The following BCL11A variants were observed in gnomAD, a reference collection of about 807,000 sequenced individuals.
The protein encoded by BCL11A is BCL11 transcription factor A.
In BCL11A, 2 loss-of-function variants were observed where a neutral mutation model predicts 55.9. That is an observed-to-expected ratio of 0.04 (90% CI 0.01 to 0.11). The LOEUF (loss-of-function observed/expected upper bound fraction) is 0.11, where lower values mean the gene tolerates loss of function less well. BCL11A is among the 10% of genes least tolerant of loss of function. BCL11A has a pLI of 1.00. For missense variants in BCL11A, 817 were observed against 1,137.1 expected, an observed-to-expected ratio of 0.72 and a Z score of 4.05; for synonymous variants, 465 against 473.4, an observed-to-expected ratio of 0.98 and a Z score of 0.23.
chr2:60,509,993 C>T (rs1420809502), intron 2 of BCL11A, among the ~76,000 whole-genome samples: 1 of 152,154 alleles, frequency 6.6e-6, no homozygotes, highest in Non-Finnish European at 1.5e-5. Context: ...TCATACAACC[C>T]ATCCCACCAG....
In BCL11A at chr2:60,496,959, T is replaced by G. The variant is rs548204308; in HGVS notation, c.386-28126A>C. The stretch of plus-strand genomic sequence containing the variant: ...GAGATGAGTGAACACAATGTAGCAC[T>G]TAATTTCTGTCTTCACGATTACTTC... On this transcript the variant is annotated intron_variant, in intron 2 of 3. Transcript: ENST00000642384. Among the ~76,000 whole-genome samples the G allele has an allele frequency of 3.3e-5, 5 of 152,346 alleles. No homozygotes were observed. In the East Asian group the frequency reaches 9.6e-4, roughly 29 times the overall value.
At chr2:60,468,137 A>ATGG (rs1177724594) in intron 3 of BCL11A, among the ~76,000 whole-genome samples, 25 of 137,512 alleles carry the variant, frequency 1.8e-4, no homozygotes, top group Admixed American at 7.8e-4. Context: ...GGTGGTGGTG[A>ATGG]TGGTGGTGGT....
Position 60,546,295 on chromosome 2 carries a change from G to C in BCL11A, c.61C>G (p.Pro21Ala), listed in dbSNP as rs1339446081. Residue 21 changes from proline to alanine, a missense_variant, in exon 2 of 4, where the codon CCT becomes GCT. Coordinates refer to ENST00000642384, the MANE Select transcript of BCL11A (RefSeq NM_022893.4). The surrounding 1 kb of genome is among the most constrained non-coding windows in gnomAD (Gnocchi z 4.1). ...HLSKREFSPE[P>A]LEAILTDDEP... ...TCATCTGTAAGAATGGCTTCAAGAG[G>C]CTCGGCTGTGGTTGGAGAAACAAAA... 1.2e-6 allele frequency: 2 copies of C among 1,611,940 alleles called. No individual in the cohort carries two copies. Among genetic ancestry groups the C allele is most frequent in the Non-Finnish European group, 1.7e-6 (2 of 1,178,586 alleles).
At chr2:60,453,414 G>T (rs928107535), downstream of BCL11A, among the ~76,000 whole-genome samples, 1 of 152,236 alleles carries the variant, frequency 6.6e-6, no homozygotes, top group African/African-American at 2.4e-5. Context: ...TACCACTGTG[G>T]CATTCCAGGC....
intron 2 of BCL11A, among the ~76,000 whole-genome samples, chr2:60,502,184 A>G (rs894854830): frequency 2.0e-5 from 3 of 152,236 alleles, no homozygotes; most frequent in Non-Finnish European, 2.9e-5. Context: ...TACTTATCAA[A>G]GCAACAATCA....
intron 2 of BCL11A, among the ~76,000 whole-genome samples, chr2:60,513,376 G>C (rs1157465587): frequency 6.6e-6 from 1 of 152,146 alleles, no homozygotes; most frequent in Non-Finnish European, 1.5e-5. Flanking sequence ...CATCTGCCGG[G>C]TGCTTCTGGA....
intron 2 of BCL11A, among the ~76,000 whole-genome samples, chr2:60,483,122 T>A (rs946654714): frequency 2.0e-5 from 3 of 152,238 alleles, no homozygotes; most frequent in African/African-American, 7.2e-5. Context: ...CATGAATAAC[T>A]GCAAGGATAG....
intron 2 of BCL11A, among the ~76,000 whole-genome samples, chr2:60,504,204 G>C (rs45611940): frequency 0.11 from 16,584 of 152,218 alleles, 1,137 homozygotes; most frequent in Non-Finnish European, 0.16. Flanking sequence ...CAGGCCCCAG[G>C]GCTCATGCTG....
At chr2:60,540,429 A>G (rs1038485851) in intron 2 of BCL11A, among the ~76,000 whole-genome samples, 7 of 152,214 alleles carry the variant, frequency 4.6e-5, no homozygotes, top group Admixed American at 2.0e-4. Context: ...CAGTGACGCA[A>G]TCTTGGTGCA....
At chr2:60,498,543 A>G (rs945393233) in intron 2 of BCL11A, among the ~76,000 whole-genome samples, 19 of 152,160 alleles carry the variant, frequency 1.2e-4, no homozygotes, top group South Asian at 2.1e-4. Context: ...CCCTTCCTAG[A>G]ATTGGCCTGG....
chr2:60,538,219 T>G (rs1437426755), intron 2 of BCL11A: 1 of 152,248 alleles, frequency 6.6e-6, no homozygotes, highest in African/African-American at 2.4e-5. Context: ...CTCTGAGAAC[T>G]TGGTATTTTA....
intron 2 of BCL11A, among the ~76,000 whole-genome samples, chr2:60,472,835 C>T (rs1296553626): frequency 1.3e-5 from 2 of 152,234 alleles, no homozygotes; most frequent in Non-Finnish European, 2.9e-5. Flanking sequence ...GGTAATACTG[C>T]AGATTTCCAA....
chr2:60,504,120 T>C (rs1009894718), intron 2 of BCL11A, among the ~76,000 whole-genome samples: 1 of 152,094 alleles, frequency 6.6e-6, no homozygotes, highest in African/African-American at 2.4e-5. Flanking sequence ...AGGGCCCTGG[T>C]CTCCTCTTTG....
chr2:60,505,151 A>C (rs937454839), intron 2 of BCL11A, among the ~76,000 whole-genome samples: 1 of 152,218 alleles, frequency 6.6e-6, no homozygotes, highest in African/African-American at 2.4e-5. Context: ...TACTCAAAAA[A>C]AAAATGTGAT....
chr2:60,545,678 G>A (rs531155062), intron 2 of BCL11A: 201 of 369,610 alleles, frequency 5.4e-4, no homozygotes, highest in Non-Finnish European at 8.4e-4. Context: ...ACTTCAAAAT[G>A]AGAAGGTGGG....
In BCL11A at chr2:60,546,371, A is replaced by C; in HGVS notation, c.56-71T>G. The C allele has an allele frequency of 4.6e-6, 6 of 1,292,752 alleles. No individual in the cohort carries two copies. Among genetic ancestry groups the C allele is most frequent in the Non-Finnish European group, 6.5e-6 (6 of 918,460 alleles). The allele number at this position is 1,292,752 out of a possible 1,614,324, so 80.1% of individuals were successfully genotyped here. A position where few individuals can be genotyped will look rare whatever the true frequency, so the allele number is the denominator to read the frequency against. On this transcript the variant is annotated intron_variant, in intron 1 of 3. Transcript: ENST00000642384. The surrounding 1 kb of genome is among the most constrained non-coding windows in gnomAD (Gnocchi z 4.1). ...GACAGAAAGGGGAGAAGCACATCTC[A>C]ACCCCATGCCATCCCACCACATCAT...
At chr2:60,548,635 C>A (rs1416421429) in intron 1 of BCL11A, among the ~76,000 whole-genome samples, 1 of 152,186 alleles carries the variant, frequency 6.6e-6, no homozygotes, top group Non-Finnish European at 1.5e-5. Context: ...GTAACCTCAA[C>A]ATTTTCTATG....
chr2:60,491,303 C>T (rs1173495883), intron 2 of BCL11A, among the ~76,000 whole-genome samples: 1 of 152,198 alleles, frequency 6.6e-6, no homozygotes, highest in Non-Finnish European at 1.5e-5. Flanking sequence ...ATTTTGATGC[C>T]AGAGGGCAGC....
chr2:60,533,248 C>T (rs1393645636), intron 2 of BCL11A: 1 of 152,196 alleles, frequency 6.6e-6, no homozygotes, highest in Non-Finnish European at 1.5e-5. Context: ...GGCAAAACTC[C>T]TGGATAGACT....
Sources: allele counts gnomAD v4.1 joint callset (sites outside exome capture counted in the v4.1 genomes callset), GRCh38; gene constraint gnomAD v4.1.1; non-coding constraint Gnocchi (gnomAD v3.1); transcripts MANE v1.5; gene names NCBI Gene and HGNC (gene_info 2026-07-23, HGNC 2026-07-21).